ERC1: variants seen among roughly 807,000 people sequenced by gnomAD.
ERC1 encodes the protein RAB6 interacting protein 2.
ERC1 carries 56 observed loss-of-function variants against 132.0 expected under a neutral mutation model. The ratio of observed to expected loss-of-function variants is 0.42; its 90% CI spans 0.34 to 0.53. The LOEUF is 0.53. Among genes scored for constraint, ERC1 ranks in the 20% least tolerant of loss-of-function variants. ERC1 has a pLI of 0.03. For synonymous variants in ERC1, 478 were observed against 476.1 expected (o/e 1.00, Z -0.05); for missense variants, 1,202 against 1,349.9 (o/e 0.89, Z 1.72).
intron 12 of ERC1, among the ~76,000 whole-genome samples, chr12:1,197,801 GGAAGGTATCACTTAAC>G (rs2086220616): frequency 6.6e-6 from 1 of 152,180 alleles, no homozygotes. Context: ...GAGCTCTACT[GGAAGGTATCACTTAAC>G]ATACCACAGA....
chr12:1,261,389 T>C (rs572420495), intron 13 of ERC1, among the ~76,000 whole-genome samples: 13 of 152,198 alleles, frequency 8.5e-5, no homozygotes, highest in Non-Finnish European at 7.3e-5. Context: ...CTTACAGCAA[T>C]CTGTATTTTA....
At chr12:1,338,489 A>G (rs931781391) in intron 15 of ERC1, among the ~76,000 whole-genome samples, 8 of 152,174 alleles carry the variant, frequency 5.3e-5, no homozygotes, top group Non-Finnish European at 1.0e-4. Context: ...ATACTCCTGC[A>G]TCTCAACGAT....
chr12:1,487,530 C>G (rs2094242991), intron 18 of ERC1, among the ~76,000 whole-genome samples: 1 of 54,356 alleles, frequency 1.8e-5, no homozygotes, highest in Non-Finnish European at 6.0e-5. Context: ...CATAGTTAGA[C>G]CGCACCTCTA....
At chr12:1,291,947 AC>A (rs753496667) in intron 15 of ERC1, among the ~76,000 whole-genome samples, 31 of 152,300 alleles carry the variant, frequency 2.0e-4, no homozygotes, top group Admixed American at 8.5e-4. Context: ...GTTAACCATT[AC>A]TTTTTTATTC....
At chr12:1,281,858 G>A (rs79277371) in intron 14 of ERC1, among the ~76,000 whole-genome samples, 3,881 of 152,248 alleles carry the variant, frequency 0.025, 72 homozygotes, top group South Asian at 0.078. Context: ...ACACTGGCCC[G>A]TCTTAGCCTC....
At chr12:1,244,838 T>C in intron 13 of ERC1, 1 of 162,452 alleles carries the variant, frequency 6.2e-6, no homozygotes, top group Admixed American at 6.2e-5. Flanking sequence ...ATGTTTTGAA[T>C]AGTTTATGTT....
chr12:1,453,022 T>A (rs955141183), intron 18 of ERC1, among the ~76,000 whole-genome samples: 1 of 152,322 alleles, frequency 6.6e-6, no homozygotes, highest in Non-Finnish European at 1.5e-5. Context: ...CAGCATGTCC[T>A]TCATGCCTGC....
At chr12:1,451,407 G>C (rs563420707) in intron 18 of ERC1, among the ~76,000 whole-genome samples, 1 of 152,112 alleles carries the variant, frequency 6.6e-6, no homozygotes, top group South Asian at 2.1e-4. Flanking sequence ...GAGGCCAGGA[G>C]TTCAAGACTA....
chr12:1,066,167 A>G (rs1480261518), intron 2 of ERC1, among the ~76,000 whole-genome samples: 1 of 152,238 alleles, frequency 6.6e-6, no homozygotes, highest in African/African-American at 2.4e-5. Flanking sequence ...TTTATGTTAT[A>G]TGAACTACAC....
At chr12:1,182,188 A>C (rs1954555677) in intron 10 of ERC1, 123 bp downstream of exon 10, 2 of 904,426 alleles carry the variant, frequency 2.2e-6, no homozygotes, top group Admixed American at 5.7e-5. Context: ...TTCTTTTAGC[A>C]GGCTTTTGTT....
At chr12:1,316,618 C>T (rs891080231) in intron 15 of ERC1, among the ~76,000 whole-genome samples, 1 of 152,132 alleles carries the variant, frequency 6.6e-6, no homozygotes, top group Non-Finnish European at 1.5e-5. Flanking sequence ...AATAGGAACG[C>T]TTTTATACTG....
At chr12:1,379,046 T>A (rs1157756131) in intron 16 of ERC1, among the ~76,000 whole-genome samples, 2 of 152,246 alleles carry the variant, frequency 1.3e-5, no homozygotes, top group Admixed American at 1.3e-4. Flanking sequence ...TTCAGTTTGT[T>A]GCTGTAATAC....
chr12:1,033,710 A>C (rs1472930239), intron 2 of ERC1, among the ~76,000 whole-genome samples: 2 of 150,760 alleles, frequency 1.3e-5, no homozygotes, highest in Non-Finnish European at 3.0e-5. Context: ...GCTCACTGCA[A>C]CCTCCGCCTC....
chr12:1,019,745 C>G (rs1966055283), intron 1 of ERC1, among the ~76,000 whole-genome samples: 1 of 152,042 alleles, frequency 6.6e-6, no homozygotes, highest in Non-Finnish European at 1.5e-5. Flanking sequence ...CAGGGTCTTG[C>G]CATGTCATCC....
chr12:1,212,787 A>G (rs77942143), intron 12 of ERC1, among the ~76,000 whole-genome samples: 4,693 of 152,146 alleles, frequency 0.031, 114 homozygotes, highest in East Asian at 0.073. Flanking sequence ...CAAGGTGCAG[A>G]TTTCTGTAGC....
chr12:1,361,554 G>C (rs986498029), intron 15 of ERC1, among the ~76,000 whole-genome samples: 1 of 152,088 alleles, frequency 6.6e-6, no homozygotes, highest in African/African-American at 2.4e-5. Context: ...TAAATACCAG[G>C]AGCCCTGCTA....
chr12:1,331,614 A>G (rs772948153), intron 15 of ERC1, among the ~76,000 whole-genome samples: 16 of 152,280 alleles, frequency 1.1e-4, no homozygotes, highest in Non-Finnish European at 1.6e-4. Flanking sequence ...TTATGCCCTG[A>G]TCCTAACAAA....
chr12:1,170,108 T>C (rs939627055), intron 8 of ERC1, among the ~76,000 whole-genome samples: 1 of 152,138 alleles, frequency 6.6e-6, no homozygotes, highest in South Asian at 2.1e-4. Flanking sequence ...AAAATAAACT[T>C]CTCCTCACTT....
At chr12:1,138,840 G>C (rs1189103467) in intron 7 of ERC1, among the ~76,000 whole-genome samples, 2 of 152,134 alleles carry the variant, frequency 1.3e-5, no homozygotes, top group East Asian at 1.9e-4. Flanking sequence ...TGTGGGTTAG[G>C]GTGGTGTTAG....
Sources: gnomAD v4.1 joint callset for allele counts (sites outside exome capture counted in the v4.1 genomes callset) on GRCh38, gnomAD v4.1.1 for gene constraint, MANE v1.5 for transcripts, NCBI Gene and HGNC (gene_info 2026-07-23, HGNC 2026-07-21) for gene names.